The following RASGRP1 variants were observed in gnomAD, a reference collection of about 807,000 sequenced individuals.
RASGRP1 encodes the protein RAS guanyl-releasing protein 1.
In RASGRP1, 37 loss-of-function variants were observed where a neutral mutation model predicts 95.1. The observed-to-expected ratio is 0.39, with a 90% CI of 0.30 to 0.51. The LOEUF (loss-of-function observed/expected upper bound fraction) is 0.51, where lower values mean the gene tolerates loss of function less well. RASGRP1 is among the 20% of genes least tolerant of loss of function. The probability of loss-of-function intolerance (pLI) is 0.80; values close to 1 mark genes in which losing one functional copy is unlikely to be tolerated. For synonymous variants in RASGRP1, 325 were observed against 353.4 expected (o/e 0.92, Z 0.90); for missense variants, 711 against 965.4 (o/e 0.74, Z 3.49).
chr15:38,494,389 A>G lies in RASGRP1; in HGVS notation c.2252T>C (p.Leu751Pro). The G allele has an allele frequency of 6.2e-7, 1 of 1,613,932 alleles. No individual in the cohort carries two copies. The highest frequency in any genetic ancestry group is 8.5e-7 in the Non-Finnish European group (1 of 1,179,888). The change falls in exon 16 of 17, where the codon CTG becomes CCG. Residue 751 changes from leucine to proline, a missense_variant. By Grantham distance (98) the Leu-to-Pro change is moderately conservative. Transcript: ENST00000310803. ...RHLRLPTYQE[L>P]EQEINTLKAD... ...AAATGAAAAGGAAGGTACCTGTTCC[A>G]GTTCTTGGTAGGTAGGCAGTCTGAG...
intron 11 of RASGRP1, chr15:38,502,941 C>G (rs1386786118): frequency 1.4e-5 from 5 of 360,212 alleles, no homozygotes; most frequent in Non-Finnish European, 2.5e-5. Context: ...TTAAGCAGTA[C>G]AAAGGTTTTC....
chr15:38,490,983 C>T (rs1407058552), intron 16 of RASGRP1, among the ~76,000 whole-genome samples: 1 of 152,142 alleles, frequency 6.6e-6, no homozygotes, highest in South Asian at 2.1e-4. Flanking sequence ...GATGTTTTCT[C>T]GCGGGAGATC....
At chr15:38,555,550 TA>T (rs1893520780) in intron 2 of RASGRP1, among the ~76,000 whole-genome samples, 1 of 152,126 alleles carries the variant, frequency 6.6e-6, no homozygotes. Flanking sequence ...AAGTGGCTGC[TA>T]GGGGTAGGGG....
intron 2 of RASGRP1, among the ~76,000 whole-genome samples, chr15:38,550,242 C>CAAAAAA (rs56383365): frequency 4.6e-4 from 41 of 88,486 alleles, no homozygotes; most frequent in East Asian, 1.1e-3. Flanking sequence ...ACTCTGTCGC[C>CAAAAAA]AAAAAAAAAA....
intron 12 of RASGRP1, 101 bp downstream of exon 12, chr15:38,502,211 C>T: frequency 1.3e-6 from 1 of 797,954 alleles, no homozygotes; most frequent in Non-Finnish European, 2.0e-6. Flanking sequence ...GTGATCACAG[C>T]AGCAACATAT....
intron 2 of RASGRP1, among the ~76,000 whole-genome samples, chr15:38,543,656 T>C (rs1045200009): frequency 3.3e-5 from 5 of 150,524 alleles, no homozygotes; most frequent in Non-Finnish European, 7.4e-5. Context: ...TTCTTTTTTT[T>C]TTTTTGCATC....
At chr15:38,553,902 T>C (rs905114104) in intron 2 of RASGRP1, among the ~76,000 whole-genome samples, 1 of 152,170 alleles carries the variant, frequency 6.6e-6, no homozygotes, top group East Asian at 1.9e-4. Context: ...ACCTATATGC[T>C]CTATTGCTTC....
chr15:38,508,905 C>T (rs937914625), intron 8 of RASGRP1, among the ~76,000 whole-genome samples: 1 of 152,160 alleles, frequency 6.6e-6, no homozygotes, highest in African/African-American at 2.4e-5. Flanking sequence ...CCTCTCTTAT[C>T]CTTAGGGGGA....
chr15:38,499,756 C>T (rs185622475), intron 14 of RASGRP1, among the ~76,000 whole-genome samples: 2 of 152,272 alleles, frequency 1.3e-5, no homozygotes, highest in Admixed American at 1.3e-4. Context: ...TGCCCATAAT[C>T]CCCATGTGTC....
rs149073043 is a variant in RASGRP1, at chr15:38,551,428, A to G, written c.220+8393T>C. ...GTCCAAGCGCTGTGGTTTTAAGGAAATGACAATCTCAGAAACAAAACTGAA... is the reference window on the plus strand; with the variant it reads ...GTCCAAGCGCTGTGGTTTTAAGGAAGTGACAATCTCAGAAACAAAACTGAA... On this transcript the variant is annotated intron_variant, in intron 2 of 16. Coordinates refer to ENST00000310803, the MANE Select transcript of RASGRP1 (RefSeq NM_005739.4). Among the ~76,000 whole-genome samples the G allele has an allele frequency of 3.3e-5, 5 of 152,328 alleles. No homozygotes were observed. In the East Asian group the frequency reaches 9.6e-4, roughly 29 times the overall value.
chr15:38,544,858 T>C lies in RASGRP1; in HGVS notation c.220+14963A>G, dbSNP rs556246141. On this transcript the variant is annotated intron_variant, in intron 2 of 16. Transcript: ENST00000310803. ...GAGTTAACCTCACATCTTTTTATTTTATCCACAATCACATGTCTGTCTTGT... is the reference window on the plus strand; with the variant it reads ...GAGTTAACCTCACATCTTTTTATTTCATCCACAATCACATGTCTGTCTTGT... Among the ~76,000 whole-genome samples the C allele has an allele frequency of 3.9e-4, 60 of 152,372 alleles. No homozygotes were observed. The South Asian group carries it at 0.012, about 30-fold the overall frequency.
At chr15:38,556,268 C>G (rs908120296) in intron 2 of RASGRP1, among the ~76,000 whole-genome samples, 1 of 152,268 alleles carries the variant, frequency 6.6e-6, no homozygotes, top group East Asian at 1.9e-4. Context: ...GACTCAAGGC[C>G]GTAAGTTTCT....
Position 38,494,445 on chromosome 15 carries a change from G to A in RASGRP1, c.2196C>T (p.Ser732=), listed in dbSNP as rs752753335. ...RAFVKWENKD[S]LIKSKEELRH... ...GGAGCTCCTCCTTTGATTTTATGAG[G>A]GAGTCTTTATTCTCCCACTTGACAA... The change falls in exon 16 of 17, where the codon TCC becomes TCT. Residue 732 remains serine, a synonymous_variant. Transcript: ENST00000310803. 1.9e-6 allele frequency: 3 copies of A among 1,613,310 alleles called. No homozygotes were observed. The highest frequency in any genetic ancestry group is 2.5e-6 in the Non-Finnish European group (3 of 1,179,708).
In RASGRP1 at chr15:38,543,125, T is replaced by A. The variant is rs1420894304; in HGVS notation, c.220+16696A>T. Among the ~76,000 whole-genome samples, 1,143 of 152,136 alleles carry A rather than the reference T, an allele frequency of 7.5e-3. 16 individuals are homozygous for A. Among genetic ancestry groups the A allele is most frequent in the African/African-American group, 0.026 (1,070 of 41,518 alleles). On this transcript the variant is annotated intron_variant, in intron 2 of 16. Coordinates refer to ENST00000310803, the MANE Select transcript of RASGRP1 (RefSeq NM_005739.4). ...CTCTAAGTTTGCAAAAACATTGTCCTAAATTTCCTTCTAGAAGACTTATCG... is the reference window on the plus strand; with the variant it reads ...CTCTAAGTTTGCAAAAACATTGTCCAAAATTTCCTTCTAGAAGACTTATCG...
chr15:38,542,706 G>C (rs1892914676), intron 2 of RASGRP1, among the ~76,000 whole-genome samples: 1 of 151,458 alleles, frequency 6.6e-6, no homozygotes, highest in Admixed American at 6.6e-5. Flanking sequence ...AATTTCAAAA[G>C]CATGATCAGA....
chr15:38,515,914 T>A (rs77108930), intron 6 of RASGRP1, among the ~76,000 whole-genome samples: 1,666 of 137,930 alleles, frequency 0.012, 19 homozygotes, highest in Non-Finnish European at 0.02. Flanking sequence ...AGAGAGAGTG[T>A]GTGTGTGTGT....
In RASGRP1 at chr15:38,490,131, T is replaced by TA. The variant is rs1890515478; in HGVS notation, c.*422_*423insT. 1 of 153,724 alleles carries TA rather than the reference T, an allele frequency of 6.5e-6. No homozygotes were observed. Among genetic ancestry groups the TA allele is most frequent in the African/African-American group, 2.4e-5 (1 of 41,434 alleles). 9.5% of individuals were successfully genotyped at this position (153,724 alleles called of 1,614,324 possible). ...AATCTACTTTTGGAATATGGGTAGT[T>TA]TTCTATTATTAGCAAGCTTTGGCTG... On this transcript the variant is annotated 3_prime_UTR_variant, in exon 17 of 17. Coordinates refer to ENST00000310803, the MANE Select transcript of RASGRP1 (RefSeq NM_005739.4).
intron 1 of RASGRP1, 34 bp downstream of exon 1, chr15:38,564,560 G>T: frequency 7.3e-7 from 1 of 1,360,838 alleles, no homozygotes; most frequent in Non-Finnish European, 9.6e-7. Context: ...AAAGGACACA[G>T]GCGCTCCCGA....
At chr15:38,529,129 T>C (rs1398919038) in intron 2 of RASGRP1, among the ~76,000 whole-genome samples, 1 of 152,232 alleles carries the variant, frequency 6.6e-6, no homozygotes, top group Non-Finnish European at 1.5e-5. Context: ...ACCCTAGTTG[T>C]AGCCACCATG....
Sources: allele counts gnomAD v4.1 joint callset (sites outside exome capture counted in the v4.1 genomes callset), GRCh38; gene constraint gnomAD v4.1.1; transcripts MANE v1.5; gene names NCBI Gene and HGNC (gene_info 2026-07-23, HGNC 2026-07-21).